Variants in DPP10 observed in about 807,000 individuals in gnomAD.
The protein encoded by DPP10 is inactive dipeptidyl peptidase 10.
Under a neutral mutation model 120.9 loss-of-function variants are expected in DPP10, and 33 were observed. The ratio of observed to expected loss-of-function variants is 0.27; its 90% CI spans 0.21 to 0.37. DPP10 has a LOEUF of 0.37. DPP10 is among the 10% of genes least tolerant of loss of function. DPP10 has a pLI of 1.00. For missense variants in DPP10, 816 were observed against 942.8 expected (o/e 0.87, Z 1.76); for synonymous variants, 337 against 326.1 (o/e 1.03, Z -0.36).
chr2:115,615,486 G>A (rs1381860694), intron 5 of DPP10, among the ~76,000 whole-genome samples: 2 of 152,024 alleles, frequency 1.3e-5, no homozygotes, highest in African/African-American at 4.8e-5. Flanking sequence ...CTGCTCTTAC[G>A]ATTACACCAT....
chr2:114,924,188 G>A (rs1695421031), intron 1 of DPP10, among the ~76,000 whole-genome samples: 1 of 152,102 alleles, frequency 6.6e-6, no homozygotes, highest in Non-Finnish European at 1.5e-5. Context: ...ATAGAGCTGG[G>A]CTCACCATAA....
intron 1 of DPP10, among the ~76,000 whole-genome samples, chr2:115,229,810 G>A (rs2057646335): frequency 6.7e-6 from 1 of 149,072 alleles, no homozygotes. Context: ...TAGCTCTGAA[G>A]TATAATTTGA....
intron 7 of DPP10, among the ~76,000 whole-genome samples, chr2:115,722,146 G>T (rs542613631): frequency 6.6e-6 from 1 of 152,016 alleles, no homozygotes; most frequent in African/African-American, 2.4e-5. Context: ...AATTTCAGTT[G>T]AGTGAGATTA....
chr2:114,959,098 A>G (rs1489439862), intron 1 of DPP10, among the ~76,000 whole-genome samples: 2 of 151,974 alleles, frequency 1.3e-5, no homozygotes, highest in African/African-American at 2.4e-5. Flanking sequence ...TTGCTCTGTC[A>G]CCCGGGCTGG....
intron 11 of DPP10, among the ~76,000 whole-genome samples, chr2:115,761,936 A>G (rs1379997413): frequency 6.6e-6 from 1 of 152,164 alleles, no homozygotes; most frequent in Non-Finnish European, 1.5e-5. Flanking sequence ...TTACATGTAA[A>G]CGGTATTATT....
At chr2:114,825,333 G>A (rs1217865697) in intron 1 of DPP10, among the ~76,000 whole-genome samples, 1 of 152,226 alleles carries the variant, frequency 6.6e-6, no homozygotes, top group Non-Finnish European at 1.5e-5. Flanking sequence ...AAAGTTGAAA[G>A]AGGCATATTT....
chr2:115,020,409 A>G (rs540821073), intron 1 of DPP10, among the ~76,000 whole-genome samples: 1 of 152,324 alleles, frequency 6.6e-6, no homozygotes, highest in South Asian at 2.1e-4. Context: ...GTTTAAAAAG[A>G]CAAAGAGGGA....
intron 1 of DPP10, among the ~76,000 whole-genome samples, chr2:114,959,989 G>C (rs910949801): frequency 5.9e-5 from 9 of 152,034 alleles, no homozygotes; most frequent in Admixed American, 3.3e-4. Flanking sequence ...TAAACCTGTG[G>C]TCATCATTCT....
chr2:115,003,207 C>A (rs1269721602), intron 1 of DPP10, among the ~76,000 whole-genome samples: 1 of 148,154 alleles, frequency 6.7e-6, no homozygotes, highest in Admixed American at 6.8e-5. Context: ...GAAATCATGT[C>A]CTTTGCAGTG....
chr2:115,153,416 T>C (rs2051696416), intron 1 of DPP10, among the ~76,000 whole-genome samples: 1 of 152,194 alleles, frequency 6.6e-6, no homozygotes, highest in African/African-American at 2.4e-5. Flanking sequence ...CATTGACTAT[T>C]TGGGGGTTCC....
intron 1 of DPP10, among the ~76,000 whole-genome samples, chr2:114,917,165 T>C (rs7558027): frequency 0.22 from 32,831 of 152,058 alleles, 3,638 homozygotes; most frequent in East Asian, 0.27. Flanking sequence ...AGCATTTCTA[T>C]ACACCAATAA....
intron 1 of DPP10, among the ~76,000 whole-genome samples, chr2:114,805,656 C>A (rs563278786): frequency 3.9e-5 from 6 of 152,316 alleles, no homozygotes; most frequent in South Asian, 4.1e-4. Flanking sequence ...TTTGTTTTTT[C>A]TCCCACAAAG....
chr2:115,229,732 A>G (rs1033328616), intron 1 of DPP10, among the ~76,000 whole-genome samples: 1 of 149,680 alleles, frequency 6.7e-6, no homozygotes, highest in Non-Finnish European at 1.5e-5. Context: ...ATTCTATTCT[A>G]TTCTATTCTA....
chr2:114,736,134 A>G (rs1236373739), intron 1 of DPP10, among the ~76,000 whole-genome samples: 1 of 151,928 alleles, frequency 6.6e-6, no homozygotes, highest in Non-Finnish European at 1.5e-5. Flanking sequence ...TTCTTCCACT[A>G]CTGTGAGGAA....
intron 3 of DPP10, among the ~76,000 whole-genome samples, chr2:115,433,209 G>C (rs2071167450): frequency 1.3e-5 from 2 of 151,896 alleles, no homozygotes; most frequent in Non-Finnish European, 2.9e-5. Context: ...TGTTTCATGG[G>C]CTATGAAAGA....
intron 1 of DPP10, among the ~76,000 whole-genome samples, chr2:115,140,427 A>C (rs1180200726): frequency 1.3e-5 from 2 of 152,200 alleles, no homozygotes; most frequent in Non-Finnish European, 2.9e-5. Context: ...GATAACAAAG[A>C]GGCGAGATCA....
chr2:115,101,817 G>A, intron 1 of DPP10, among the ~76,000 whole-genome samples: 1 of 152,124 alleles, frequency 6.6e-6, no homozygotes. Context: ...TTTTTCCAAG[G>A]CCTCTAACGC....
intron 5 of DPP10, among the ~76,000 whole-genome samples, chr2:115,610,997 C>G (rs5023301): frequency 0.99 from 150,461 of 152,256 alleles, 74,371 homozygotes; most frequent in East Asian, 1. Flanking sequence ...ACAGTTGTTT[C>G]TCCCAACATA....
intron 1 of DPP10, among the ~76,000 whole-genome samples, chr2:114,454,432 A>C (rs932084897): frequency 3.3e-5 from 5 of 152,136 alleles, no homozygotes; most frequent in Non-Finnish European, 1.5e-5. Context: ...AGAGGTGGAG[A>C]TCATACATGA....
Sources: allele counts gnomAD v4.1 joint callset (sites outside exome capture counted in the v4.1 genomes callset), GRCh38; gene constraint gnomAD v4.1.1; transcripts MANE v1.5; gene names NCBI Gene and HGNC (gene_info 2026-07-23, HGNC 2026-07-21).